PACSIN1: variants seen among roughly 807,000 people sequenced by gnomAD.
PACSIN1 encodes protein kinase C and casein kinase substrate in neurons 1.
Under a neutral mutation model 59.5 loss-of-function variants are expected in PACSIN1, and 15 were observed. The ratio of observed to expected loss-of-function variants is 0.25; its 90% CI spans 0.17 to 0.39. The LOEUF is 0.39. Ranked by LOEUF, PACSIN1 falls within the 10% of genes least tolerant of loss-of-function variation. The pLI is 1.00. For missense variants in PACSIN1, 420 were observed against 580.2 expected (o/e 0.72, Z 2.84); for synonymous variants, 210 against 220.6 (o/e 0.95, Z 0.42).
At chr6:34,502,299 C>T (rs1423676952) in intron 1 of PACSIN1, among the ~76,000 whole-genome samples, 1 of 151,906 alleles carries the variant, frequency 6.6e-6, no homozygotes, top group Non-Finnish European at 1.5e-5. Context: ...CTTTTGGAGC[C>T]CTGAGTTACC....
Position 34,516,420 on chromosome 6 carries a change from G to C in PACSIN1, c.-63-9823G>C, listed in dbSNP as rs1210662079. On this transcript the variant is annotated intron_variant, in intron 1 of 9. Transcript: ENST00000244458. This position sits in a 1 kb window ranked among gnomAD's most constrained non-coding sequence, Gnocchi z 5.4. ...GCAGAAACGGGATGCAGATTCGCCTGTGCGCACTGACACTGCCTGCCCCTG... is the reference window on the plus strand; with the variant it reads ...GCAGAAACGGGATGCAGATTCGCCTCTGCGCACTGACACTGCCTGCCCCTG... 6.6e-6 allele frequency among the ~76,000 whole-genome samples: 1 copy of C among 152,184 alleles called. No homozygotes were observed. The highest frequency in any genetic ancestry group is 1.5e-5 in the Non-Finnish European group (1 of 68,006).
At chr6:34,498,528 T>A (rs992795465) in intron 1 of PACSIN1, among the ~76,000 whole-genome samples, 1 of 152,038 alleles carries the variant, frequency 6.6e-6, no homozygotes, top group African/African-American at 2.4e-5. Flanking sequence ...CTGGGCACAG[T>A]GGCTCACACC....
chr6:34,527,057 G>C (rs80273202), intron 2 of PACSIN1, among the ~76,000 whole-genome samples: 1,571 of 152,264 alleles, frequency 0.01, 31 homozygotes, highest in African/African-American at 0.032. Flanking sequence ...AAATCCTTCT[G>C]CATTTTGTGG....
chr6:34,494,836 G>A (rs748972293), intron 1 of PACSIN1, among the ~76,000 whole-genome samples: 39 of 152,278 alleles, frequency 2.6e-4, no homozygotes, highest in African/African-American at 9.1e-4. Context: ...CCCAGCTATC[G>A]GCTGTATAGG....
At chr6:34,475,277 G>C (rs1581955980) in intron 1 of PACSIN1, among the ~76,000 whole-genome samples, 1 of 151,588 alleles carries the variant, frequency 6.6e-6, no homozygotes, top group Non-Finnish European at 1.5e-5. Context: ...CACATTGCTA[G>C]CTCCTCTACT....
At chr6:34,470,768 T>C (rs1344216560) in intron 1 of PACSIN1, among the ~76,000 whole-genome samples, 1 of 152,164 alleles carries the variant, frequency 6.6e-6, no homozygotes, top group Non-Finnish European at 1.5e-5. Flanking sequence ...AGTCTTTCTA[T>C]ATAAAATGCA....
chr6:34,507,044 T>C (rs1332769411), intron 1 of PACSIN1, among the ~76,000 whole-genome samples: 1 of 152,186 alleles, frequency 6.6e-6, no homozygotes, highest in African/African-American at 2.4e-5. Flanking sequence ...ACGTCATTGT[T>C]TTAAAGGTTT....
intron 1 of PACSIN1, among the ~76,000 whole-genome samples, chr6:34,476,034 C>T (rs570778808): frequency 2.5e-4 from 38 of 152,274 alleles, no homozygotes; most frequent in Middle Eastern, 3.4e-3. Context: ...ATATGTATTG[C>T]GTGTGGTGTG....
chr6:34,515,676 C>T lies in PACSIN1; in HGVS notation c.-63-10567C>T. On this transcript the variant is annotated intron_variant, in intron 1 of 9. Transcript: ENST00000244458. This position sits in a 1 kb window ranked among gnomAD's most constrained non-coding sequence, Gnocchi z 4.4. ...AGACTTAGTGAACTGTCCCCAATCC[C>T]AGATCTCCCAAAGGACCCCCATGCC... is the stretch of plus-strand genomic sequence containing the variant. 6.6e-6 allele frequency among the ~76,000 whole-genome samples: 1 copy of T among 152,170 alleles called. No homozygotes were observed. The highest frequency in any genetic ancestry group is 1.5e-5 in the Non-Finnish European group (1 of 68,030).
intron 1 of PACSIN1, among the ~76,000 whole-genome samples, chr6:34,485,956 C>T (rs1401238203): frequency 6.6e-6 from 1 of 152,116 alleles, no homozygotes; most frequent in Non-Finnish European, 1.5e-5. Flanking sequence ...CCTCTGCCAC[C>T]AGAGGGAGGA....
At chr6:34,527,804 G>A (rs1285875631) in intron 3 of PACSIN1, 2 of 222,654 alleles carry the variant, frequency 9.0e-6, no homozygotes, top group Admixed American at 5.7e-5. Context: ...TTTTCTCACT[G>A]ACTGTTTATT....
At chr6:34,487,913 G>A (rs936450830) in intron 1 of PACSIN1, among the ~76,000 whole-genome samples, 5 of 152,170 alleles carry the variant, frequency 3.3e-5, no homozygotes, top group African/African-American at 1.2e-4. Flanking sequence ...ATGCTACTTG[G>A]AAATCTGAGC....
rs535493873 is a variant in PACSIN1 at position 34,516,864 on chromosome 6, C to T, written c.-63-9379C>T. Among the ~76,000 whole-genome samples the T allele has an allele frequency of 3.3e-5, 5 of 152,130 alleles. No homozygotes were observed. The highest frequency in any genetic ancestry group is 7.4e-5 in the Non-Finnish European group (5 of 68,020). ...CTTGACCTCCCCTGGCAGACCTTCT[C>T]ATGTGAAAGGGAGCTTGAGGGAGGC... On this transcript the variant is annotated intron_variant, in intron 1 of 9. Transcript: ENST00000244458. The surrounding 1 kb of genome is among the most constrained non-coding windows in gnomAD (Gnocchi z 5.4).
intron 1 of PACSIN1, among the ~76,000 whole-genome samples, chr6:34,475,856 T>C (rs951590501): frequency 6.6e-6 from 1 of 152,164 alleles, no homozygotes; most frequent in Non-Finnish European, 1.5e-5. Context: ...AGGAGGAAGC[T>C]GAGGTTCTTA....
chr6:34,527,558 G>T (rs1016619701), intron 3 of PACSIN1, 70 bp downstream of exon 3: 4 of 1,405,734 alleles, frequency 2.8e-6, no homozygotes, highest in Non-Finnish European at 3.8e-6. Flanking sequence ...GGTCCTAGGA[G>T]CCCCGGCTAC....
chr6:34,498,335 C>A, intron 1 of PACSIN1, among the ~76,000 whole-genome samples: 1 of 152,286 alleles, frequency 6.6e-6, no homozygotes, highest in East Asian at 1.9e-4. Flanking sequence ...GCTAGGATTA[C>A]AGGCACGAGC....
At chr6:34,508,225 T>G (rs568122056) in intron 1 of PACSIN1, among the ~76,000 whole-genome samples, 1 of 152,258 alleles carries the variant, frequency 6.6e-6, no homozygotes, top group Non-Finnish European at 1.5e-5. Flanking sequence ...TGCCTCAGCC[T>G]CCCAATTAGC....
At chr6:34,502,196 T>C (rs1219530042) in intron 1 of PACSIN1, among the ~76,000 whole-genome samples, 1 of 152,090 alleles carries the variant, frequency 6.6e-6, no homozygotes, top group East Asian at 1.9e-4. Flanking sequence ...CAATATGACT[T>C]GGTCTTGCCA....
At chr6:34,512,707 C>T (rs2127264680) in intron 1 of PACSIN1, among the ~76,000 whole-genome samples, 1 of 152,350 alleles carries the variant, frequency 6.6e-6, no homozygotes, top group East Asian at 1.9e-4. Flanking sequence ...TTGACTGGGA[C>T]TTTGAGTACT....
Sources: allele counts gnomAD v4.1 joint callset (sites outside exome capture counted in the v4.1 genomes callset), GRCh38; gene constraint gnomAD v4.1.1; non-coding constraint Gnocchi (gnomAD v3.1); transcripts MANE v1.5; gene names NCBI Gene and HGNC (gene_info 2026-07-23, HGNC 2026-07-21).